DENND2A: variants seen among roughly 807,000 people sequenced by gnomAD.
DENND2A encodes DENN domain-containing protein 2A.
In DENND2A, 53 loss-of-function variants were observed where a neutral mutation model predicts 105.3. The ratio of observed to expected loss-of-function variants is 0.50; its 90% confidence interval spans 0.40 to 0.63. DENND2A has a LOEUF of 0.63. DENND2A is among the 30% of genes least tolerant of loss of function. DENND2A has a pLI of 0.00. For synonymous variants in DENND2A, 522 were observed against 508.4 expected, an observed-to-expected ratio of 1.03 and a Z score of -0.36; for missense variants, 1,138 against 1,279.6, an observed-to-expected ratio of 0.89 and a Z score of 1.69.
In DENND2A at chr7:140,559,500, T is replaced by A. The variant is rs1797526402; in HGVS notation, c.1889+208A>T. Among the ~76,000 whole-genome samples, 2 of 152,082 alleles carry A rather than the reference T, an allele frequency of 1.3e-5. No homozygotes were observed. Among genetic ancestry groups the A allele is most frequent in the Admixed American group, 6.6e-5 (1 of 15,260 alleles). ...GGCTTCTGAAACAAGTATCCCCAGA[T>A]TGAGTGGGAAGCCCGGGAGGTCTGC... On this transcript the variant is annotated intron_variant, in intron 10 of 19. Coordinates refer to ENST00000496613, the MANE Select transcript of DENND2A (RefSeq NM_015689.5). This position sits in a 1 kb window ranked among gnomAD's most constrained non-coding sequence, Gnocchi z 4.1.
intron 14 of DENND2A, among the ~76,000 whole-genome samples, chr7:140,534,557 T>TA: frequency 6.6e-6 from 1 of 152,334 alleles, no homozygotes; most frequent in East Asian, 1.9e-4. Flanking sequence ...AATAAAATTT[T>TA]ATTCCCTGAC....
intron 14 of DENND2A, among the ~76,000 whole-genome samples, chr7:140,541,914 C>T (rs1415193272): frequency 1.3e-5 from 2 of 152,216 alleles, no homozygotes; most frequent in Non-Finnish European, 2.9e-5. Context: ...AGGGTGGGGC[C>T]GCTTCCCGCC....
intron 1 of DENND2A, among the ~76,000 whole-genome samples, chr7:140,618,349 A>G (rs946894026): frequency 6.6e-6 from 1 of 152,194 alleles, no homozygotes; most frequent in Non-Finnish European, 1.5e-5. Context: ...GTTCCAACTT[A>G]TTTCAACTTT....
intron 1 of DENND2A, among the ~76,000 whole-genome samples, chr7:140,619,500 CT>C (rs57839820): frequency 0.063 from 9,134 of 144,712 alleles, 620 homozygotes; most frequent in African/African-American, 0.18. Flanking sequence ...AAACTCTGCA[CT>C]TTTTTTTTTT....
At position 140,571,886 on chromosome 7, in the gene DENND2A, T is replaced by C. The variant is rs114617550; in HGVS notation, c.1446+1922A>G. The stretch of plus-strand genomic sequence containing the variant: ...CTTAGCTGTCCTCAGACTTGCCAAG[T>C]CCTTTCATAACCTCTCCTAGTGCTG... On this transcript the variant is annotated intron_variant, in intron 6 of 19. Coordinates refer to ENST00000496613, the MANE Select transcript of DENND2A (RefSeq NM_015689.5). 5.6e-3 allele frequency among the ~76,000 whole-genome samples: 850 copies of C among 152,260 alleles called. 9 individuals are homozygous for C. The highest frequency in any genetic ancestry group is 0.02 in the African/African-American group (814 of 41,550).
At chr7:140,555,788 C>T (rs1447887510) in intron 11 of DENND2A, 75 bp from the exon 12 acceptor site, 6 of 1,307,336 alleles carry the variant, frequency 4.6e-6, no homozygotes, top group Middle Eastern at 3.8e-4. Context: ...ATGTTTTTTG[C>T]GAGACTATCA....
intron 16 of DENND2A, among the ~76,000 whole-genome samples, chr7:140,524,641 T>G (rs1369286596): frequency 6.6e-6 from 1 of 152,060 alleles, no homozygotes; most frequent in East Asian, 1.9e-4. Context: ...AGTGGCACGA[T>G]CTCAGCTCAC....
chr7:140,586,986 A>C (rs1291017288), intron 4 of DENND2A, among the ~76,000 whole-genome samples: 1 of 152,072 alleles, frequency 6.6e-6, no homozygotes, highest in Admixed American at 6.6e-5. Flanking sequence ...TAAAACCATC[A>C]ACCTCCCTGA....
In DENND2A at chr7:140,559,644, G is replaced by T; in HGVS notation, c.1889+64C>A. Reference sequence around the variant, plus strand: ...GAATGACTCATGTGGTCTGCCACCTGTAACCCCGTCTCTAAGTCTCGCCTT... The same window carrying T: ...GAATGACTCATGTGGTCTGCCACCTTTAACCCCGTCTCTAAGTCTCGCCTT... On this transcript the variant is annotated intron_variant, in intron 10 of 19. Transcript: ENST00000496613. The surrounding 1 kb of genome is among the most constrained non-coding windows in gnomAD (Gnocchi z 4.1). The T allele has an allele frequency of 8.0e-7, 1 of 1,243,260 alleles. No homozygotes were observed. Among genetic ancestry groups the T allele is most frequent in the Non-Finnish European group, 1.2e-6 (1 of 851,056 alleles). 77.0% of individuals were successfully genotyped at this position (1,243,260 alleles called of 1,614,324 possible).
chr7:140,568,924 G>A lies in DENND2A; in HGVS notation c.1541-111C>T, dbSNP rs1035042133. Reference sequence around the variant, plus strand: ...TGTTCTAATTCAGAGGGGATGTTGAGTTGCCTCTTTTTTTTTTTGAGATGG... The same window carrying A: ...TGTTCTAATTCAGAGGGGATGTTGAATTGCCTCTTTTTTTTTTTGAGATGG... On this transcript the variant is annotated intron_variant, in intron 7 of 19. Coordinates refer to ENST00000496613, the MANE Select transcript of DENND2A (RefSeq NM_015689.5). 23 of 1,099,268 alleles carry A rather than the reference G, an allele frequency of 2.1e-5. No individual in the cohort carries two copies. The African/African-American group carries it at 3.5e-4, about 17-fold the overall frequency. The allele number at this position is 1,099,268 out of a possible 1,614,324, so 68.1% of individuals were successfully genotyped here.
At chr7:140,611,443 G>A (rs956029119) in intron 1 of DENND2A, among the ~76,000 whole-genome samples, 2 of 152,146 alleles carry the variant, frequency 1.3e-5, no homozygotes, top group African/African-American at 2.4e-5. Flanking sequence ...GGAGGCTTAG[G>A]GGGAGGATCA....
chr7:140,539,962 A>G (rs574677430), intron 14 of DENND2A, among the ~76,000 whole-genome samples: 1 of 152,362 alleles, frequency 6.6e-6, no homozygotes, highest in Admixed American at 6.5e-5. Context: ...AAAACAAGAC[A>G]GCGGAGTCCC....
At chr7:140,542,728 A>G (rs1471822245) in intron 14 of DENND2A, among the ~76,000 whole-genome samples, 1 of 151,228 alleles carries the variant, frequency 6.6e-6, no homozygotes, top group African/African-American at 2.4e-5. Context: ...ACGCCCAACT[A>G]AATTCTTTTG....
At chr7:140,526,493 G>A (rs1166388254) in intron 15 of DENND2A, among the ~76,000 whole-genome samples, 2 of 152,188 alleles carry the variant, frequency 1.3e-5, no homozygotes, top group Non-Finnish European at 2.9e-5. Flanking sequence ...CTGGAAACAT[G>A]TGAGTTCTCC....
chr7:140,518,764 T>G, intron 19 of DENND2A, 26 bp from the exon 20 acceptor site: 6 of 1,610,894 alleles, frequency 3.7e-6, no homozygotes, highest in Non-Finnish European at 5.1e-6. Flanking sequence ...ATGAGAACAT[T>G]TCACAAGGCA....
intron 14 of DENND2A, among the ~76,000 whole-genome samples, chr7:140,537,206 G>A (rs1796483690): frequency 6.6e-6 from 1 of 152,150 alleles, no homozygotes; most frequent in Non-Finnish European, 1.5e-5. Flanking sequence ...AAAAGGACAT[G>A]GGATTCTCAT....
rs1355363321 is a variant in DENND2A, at chr7:140,523,912, C to T, written c.2548-488G>A. Reference sequence around the variant, plus strand: ...CAAGCAACGGGAGCCTCGTTTTCCCCACTTGTAAAATGGACTACCAATCAA... The same window carrying T: ...CAAGCAACGGGAGCCTCGTTTTCCCTACTTGTAAAATGGACTACCAATCAA... On this transcript the variant is annotated intron_variant, in intron 16 of 19. Coordinates refer to ENST00000496613, the MANE Select transcript of DENND2A (RefSeq NM_015689.5). The surrounding 1 kb of genome is among the most constrained non-coding windows in gnomAD (Gnocchi z 4.5). Among the ~76,000 whole-genome samples, 2 of 152,056 alleles carry T rather than the reference C, an allele frequency of 1.3e-5. No individual in the cohort carries two copies. The highest frequency in any genetic ancestry group is 2.1e-4 in the South Asian group (1 of 4,830).
chr7:140,600,729 C>T (rs949045989), intron 3 of DENND2A, among the ~76,000 whole-genome samples: 2 of 152,256 alleles, frequency 1.3e-5, no homozygotes, highest in African/African-American at 4.8e-5. Flanking sequence ...GGGAGTACAA[C>T]AACTGTTCTG....
chr7:140,570,451 G>A (rs1798046126), intron 6 of DENND2A, among the ~76,000 whole-genome samples: 1 of 152,230 alleles, frequency 6.6e-6, no homozygotes, highest in African/African-American at 2.4e-5. Context: ...TTCCCAGGCA[G>A]GGCTCCCTTC....
Sources: gnomAD v4.1 joint callset for allele counts (sites outside exome capture counted in the v4.1 genomes callset) on GRCh38, gnomAD v4.1.1 for gene constraint, Gnocchi (gnomAD v3.1) non-coding constraint, MANE v1.5 for transcripts, NCBI Gene and HGNC (gene_info 2026-07-23, HGNC 2026-07-21) for gene names.